Variants in RPRD1B observed in about 807,000 individuals in gnomAD.
The protein encoded by RPRD1B is regulation of nuclear pre-mRNA domain containing 1B, also known as regulation of nuclear pre-mRNA domain-containing protein 1B.
A neutral mutation model predicts 41.5 loss-of-function variants in RPRD1B; 11 were observed. That is an observed-to-expected ratio of 0.27 (90% CI 0.17 to 0.44). The LOEUF is 0.44. RPRD1B is among the 20% of genes least tolerant of loss of function. The probability of loss-of-function intolerance (pLI) is 1.00; values close to 1 mark genes in which losing one functional copy is unlikely to be tolerated. For missense variants in RPRD1B, 248 were observed against 389.9 expected (o/e 0.64, Z 3.06); for synonymous variants, 158 against 155.6 (o/e 1.02, Z -0.12).
chr20:38,044,460 G>A (rs1159873124), intron 2 of RPRD1B, among the ~76,000 whole-genome samples: 6 of 145,986 alleles, frequency 4.1e-5, no homozygotes, highest in Non-Finnish European at 1.5e-5. Context: ...TGCAAGCTCC[G>A]CCTCTCGGGT....
intron 5 of RPRD1B, 63 bp downstream of exon 5, chr20:38,059,583 C>T: frequency 6.6e-7 from 1 of 1,515,876 alleles, no homozygotes; most frequent in African/African-American, 1.4e-5. Context: ...TGCAGTAACC[C>T]TAGGCCATAC....
chr20:38,036,875 T>G (rs1379755147), intron 1 of RPRD1B, among the ~76,000 whole-genome samples: 2 of 152,212 alleles, frequency 1.3e-5, no homozygotes, highest in Non-Finnish European at 2.9e-5. Context: ...CAGCTGCAAT[T>G]CAGGTGTTCC....
chr20:38,062,827 A>ACCC (rs2074312077), intron 5 of RPRD1B, among the ~76,000 whole-genome samples: 1 of 42,498 alleles, frequency 2.4e-5, no homozygotes, highest in Non-Finnish European at 4.2e-5. Flanking sequence ...TAAAAGCCAG[A>ACCC]GCCCCCCCCC....
intron 6 of RPRD1B, among the ~76,000 whole-genome samples, chr20:38,072,034 T>C (rs2074417780): frequency 6.6e-6 from 1 of 152,210 alleles, no homozygotes; most frequent in Non-Finnish European, 1.5e-5. Context: ...TTCCAATTTA[T>C]CTATTTTTGT....
intron 6 of RPRD1B, among the ~76,000 whole-genome samples, chr20:38,066,691 C>T (rs1267609231): frequency 1.3e-5 from 2 of 152,020 alleles, no homozygotes; most frequent in African/African-American, 4.8e-5. Flanking sequence ...AGTCTCGCTC[C>T]GTCGCCCAGG....
intron 1 of RPRD1B, among the ~76,000 whole-genome samples, chr20:38,034,668 C>A (rs1271087602): frequency 1.3e-5 from 2 of 152,234 alleles, no homozygotes; most frequent in African/African-American, 2.4e-5. Context: ...CTTAGAACAG[C>A]CCTGTGAAGT....
At chr20:38,059,136 T>G (rs945911902) in intron 4 of RPRD1B, among the ~76,000 whole-genome samples, 2 of 152,184 alleles carry the variant, frequency 1.3e-5, no homozygotes. Flanking sequence ...AACATGTTCT[T>G]TTAGAATTAA....
At chr20:38,062,761 G>A (rs967649838) in intron 5 of RPRD1B, among the ~76,000 whole-genome samples, 4 of 149,854 alleles carry the variant, frequency 2.7e-5, no homozygotes, top group African/African-American at 4.9e-5. Context: ...TTAGTAGAAG[G>A]CAGATCATGT....
At chr20:38,045,651 C>A (rs2074113532) in intron 2 of RPRD1B, among the ~76,000 whole-genome samples, 1 of 152,162 alleles carries the variant, frequency 6.6e-6, no homozygotes, top group Non-Finnish European at 1.5e-5. Flanking sequence ...TGAATGGAGT[C>A]CCAAGTATCT....
At position 38,092,103 on chromosome 20, in the gene RPRD1B, G is replaced by T. The variant is rs965466822; in HGVS notation, c.*2228G>T. 4 of 985,524 alleles carry T rather than the reference G, an allele frequency of 4.1e-6. No homozygotes were observed. In the African/African-American group the frequency reaches 5.2e-5, roughly 13 times the overall value. 61.0% of individuals were successfully genotyped at this position (985,524 alleles called of 1,614,324 possible). A position where few individuals can be genotyped will look rare whatever the true frequency, so the allele number is the denominator to read the frequency against. ...ATGAGGTGACTTGGTGGGTGGGGTG[G>T]GTGGTTTTTGTTTTTGTGTTTTTTC... is the stretch of plus-strand genomic sequence containing the variant. On this transcript the variant is annotated 3_prime_UTR_variant, in exon 7 of 7. Transcript: ENST00000373433.
chr20:38,057,432 C>T lies in RPRD1B; in HGVS notation c.416-100C>T, dbSNP rs1022944586. The stretch of plus-strand genomic sequence containing the variant: ...TATTAAGCCATTCTGAAAATGTGTG[C>T]CCCTTCTGCCCTGTTTTTACATGTG... On this transcript the variant is annotated intron_variant, in intron 3 of 6. Coordinates refer to ENST00000373433, the MANE Select transcript of RPRD1B (RefSeq NM_021215.4). 1.1e-5 allele frequency: 8 copies of T among 743,006 alleles called. No homozygotes were observed. The African/African-American group carries it at 1.4e-4, about 13-fold the overall frequency. 46.0% of individuals were successfully genotyped at this position (743,006 alleles called of 1,614,324 possible).
chr20:38,087,985 A>T lies in RPRD1B; in HGVS notation c.832-1741A>T, dbSNP rs564966070. Among the ~76,000 whole-genome samples, 10 of 152,328 alleles carry T rather than the reference A, an allele frequency of 6.6e-5. No individual in the cohort carries two copies. In the East Asian group the frequency reaches 1.2e-3, roughly 18 times the overall value. On this transcript the variant is annotated intron_variant, in intron 6 of 6. Transcript: ENST00000373433. ...TGGCCTCCAGGAGCTTACTAGTTAA[A>T]TGTGGGAGTCATTGCTAATCATTTA...
At chr20:38,059,589 CATA>C in intron 5 of RPRD1B, 69 bp downstream of exon 5, 1 of 1,497,378 alleles carries the variant, frequency 6.7e-7, no homozygotes, top group Non-Finnish European at 9.1e-7. Context: ...AACCCTAGGC[CATA>C]CTTAACGTCT....
At chr20:38,080,911 C>A (rs1030047260) in intron 6 of RPRD1B, among the ~76,000 whole-genome samples, 1 of 152,180 alleles carries the variant, frequency 6.6e-6, no homozygotes, top group Non-Finnish European at 1.5e-5. Context: ...GTTTTAGTTA[C>A]TGTAGCCTTA....
intron 3 of RPRD1B, among the ~76,000 whole-genome samples, chr20:38,056,779 T>C (rs764044809): frequency 5.9e-5 from 9 of 152,256 alleles, no homozygotes; most frequent in Non-Finnish European, 1.2e-4. Flanking sequence ...GTGTCCAATA[T>C]TTCTTTACTT....
chr20:38,058,443 A>T (rs2074265509), intron 4 of RPRD1B, among the ~76,000 whole-genome samples: 1 of 152,208 alleles, frequency 6.6e-6, no homozygotes, highest in East Asian at 1.9e-4. Context: ...TACAGCCTAG[A>T]TTATTACCTT....
Position 38,034,118 on chromosome 20 carries a change from C to T in RPRD1B, c.151+20C>T, listed in dbSNP as rs754695531. On this transcript the variant is annotated intron_variant, in intron 1 of 6. Coordinates refer to ENST00000373433, the MANE Select transcript of RPRD1B (RefSeq NM_021215.4). ...GCAAAGGTAAACACCAAATCCCCAC[C>T]CCCTGGACGGTCCCCGGATTGTCCT... 3.1e-6 allele frequency: 5 copies of T among 1,606,594 alleles called. No homozygotes were observed. The highest frequency in any genetic ancestry group is 2.2e-5 in the East Asian group (1 of 44,856).
chr20:38,034,254 G>A (rs185176156), intron 1 of RPRD1B, among the ~76,000 whole-genome samples, 156 bp downstream of exon 1: 5 of 152,336 alleles, frequency 3.3e-5, no homozygotes, highest in African/African-American at 9.6e-5. Context: ...TCTCGAAGAA[G>A]GAAACTGAGG....
In RPRD1B at chr20:38,089,800, C is replaced by T; in HGVS notation, c.906C>T (p.Asp302=). ...ELKSHIQSLP[D]LSLLPNVTGG... Reference sequence around the variant, plus strand: ...AATCCCATATTCAGAGCTTGCCAGACCTCTCACTGCTGCCCAACGTCACAG... The same window carrying T: ...AATCCCATATTCAGAGCTTGCCAGATCTCTCACTGCTGCCCAACGTCACAG... The change falls in exon 7 of 7, where the codon GAC becomes GAT. Residue 302 remains aspartate (D), a synonymous_variant. Coordinates refer to ENST00000373433, the MANE Select transcript of RPRD1B (RefSeq NM_021215.4). The T allele has an allele frequency of 1.2e-6, 2 of 1,614,226 alleles. No homozygotes were observed. The highest frequency in any genetic ancestry group is 1.7e-6 in the Non-Finnish European group (2 of 1,180,030).
Sources: gnomAD v4.1 joint callset for allele counts (sites outside exome capture counted in the v4.1 genomes callset) on GRCh38, gnomAD v4.1.1 for gene constraint, MANE v1.5 for transcripts, NCBI Gene and HGNC (gene_info 2026-07-23, HGNC 2026-07-21) for gene names.